Variants in NDUFA10 observed in about 807,000 individuals in gnomAD.
NDUFA10 encodes NADH:ubiquinone oxidoreductase subunit A10.
NDUFA10 carries 40 observed loss-of-function variants against 47.8 expected under a neutral mutation model. The ratio of observed to expected loss-of-function variants is 0.84; its 90% CI spans 0.65 to 1.09. NDUFA10 has a LOEUF of 1.09. NDUFA10 is among the 50% of genes least tolerant of loss of function. NDUFA10 has a pLI of 0.00. For missense variants in NDUFA10, 413 were observed against 451.1 expected (o/e 0.92, Z 0.76); for synonymous variants, 183 against 172.2 (o/e 1.06, Z -0.49).
chr2:240,004,881 C>T (rs969261398), intron 8 of NDUFA10, among the ~76,000 whole-genome samples: 18 of 152,194 alleles, frequency 1.2e-4, no homozygotes, highest in Non-Finnish European at 1.8e-4. Context: ...TGTGACCTGA[C>T]GCAGTTTTAT....
chr2:239,943,998 C>T (rs1341229167), intron 4 of NDUFA10, among the ~76,000 whole-genome samples: 1 of 152,186 alleles, frequency 6.6e-6, no homozygotes, highest in Non-Finnish European at 1.5e-5. Context: ...CTCAGGTGCT[C>T]TGCTCCTTCC....
chr2:239,965,384 G>A (rs1437689026), intron 9 of NDUFA10, among the ~76,000 whole-genome samples: 2 of 152,080 alleles, frequency 1.3e-5, no homozygotes, highest in Non-Finnish European at 2.9e-5. Flanking sequence ...TCTACTTCAC[G>A]TCTGTATCTG....
At chr2:239,949,586 T>A (rs1044474958) in intron 4 of NDUFA10, among the ~76,000 whole-genome samples, 3 of 152,232 alleles carry the variant, frequency 2.0e-5, no homozygotes, top group African/African-American at 7.2e-5. Flanking sequence ...TGCAAACTCC[T>A]GGGCTCAAGC....
At chr2:239,953,420 T>C (rs913968522), downstream of NDUFA10, among the ~76,000 whole-genome samples, 4 of 152,196 alleles carry the variant, frequency 2.6e-5, no homozygotes, top group Non-Finnish European at 5.9e-5. Flanking sequence ...AGCCGCAAAG[T>C]GCAAGGCAGC....
At chr2:239,920,145 C>A (rs980520909) in intron 4 of NDUFA10, among the ~76,000 whole-genome samples, 43 of 152,162 alleles carry the variant, frequency 2.8e-4, no homozygotes, top group Non-Finnish European at 4.7e-4. Flanking sequence ...AGGGTGGGGC[C>A]CCATGATGGG....
chr2:239,905,613 T>C (rs927079115), intron 4 of NDUFA10, among the ~76,000 whole-genome samples: 36 of 150,732 alleles, frequency 2.4e-4, no homozygotes, highest in Middle Eastern at 3.4e-3. Flanking sequence ...CTGAGGTCAG[T>C]CGGATTTCCT....
rs199606874 is a variant in NDUFA10, at chr2:239,915,469, TAC to T, written c.295-20157_295-20156del. ...ACAGAGAGACAGAGATACACATACATACACACACACAGAACACACACACAGAC... is the reference window on the plus strand; with the variant it reads ...ACAGAGAGACAGAGATACACATACATACACACACAGAACACACACACAGAC... On this transcript the variant is annotated intron_variant, in intron 4 of 5. Coordinates refer to the NDUFA10 transcript ENST00000419408. 4.1e-4 allele frequency among the ~76,000 whole-genome samples: 40 copies of T among 97,808 alleles called. 1 individual carries two copies. The highest frequency in any genetic ancestry group is 7.6e-3 in the Middle Eastern group (1 of 132). The allele number at this position is 97,808 out of a possible 152,430, so 64.2% of individuals were successfully genotyped here.
intron 4 of NDUFA10, among the ~76,000 whole-genome samples, chr2:239,932,069 C>G (rs1156406153): frequency 6.6e-6 from 1 of 151,962 alleles, no homozygotes; most frequent in Non-Finnish European, 1.5e-5. Context: ...CTCCTGACCT[C>G]GTGATCCACC....
chr2:239,902,000 A>G (rs1693560707), intron 4 of NDUFA10, among the ~76,000 whole-genome samples: 1 of 152,182 alleles, frequency 6.6e-6, no homozygotes, highest in South Asian at 2.1e-4. Flanking sequence ...GAGCGGAGAA[A>G]GTGGTTTCAT....
intron 9 of NDUFA10, among the ~76,000 whole-genome samples, chr2:239,978,321 C>T (rs532823892): frequency 6.6e-6 from 1 of 152,310 alleles, no homozygotes; most frequent in East Asian, 1.9e-4. Flanking sequence ...CAAGGTTCAC[C>T]TATGACCTGG....
At chr2:240,008,841 C>A (rs981083834) in intron 6 of NDUFA10, among the ~76,000 whole-genome samples, 5 of 152,214 alleles carry the variant, frequency 3.3e-5, no homozygotes, top group African/African-American at 1.2e-4. Flanking sequence ...CCTGGAGAGT[C>A]CATTTTCTAT....
downstream of NDUFA10, among the ~76,000 whole-genome samples, chr2:239,957,085 C>T (rs1009470976): frequency 6.6e-6 from 1 of 152,202 alleles, no homozygotes; most frequent in Admixed American, 6.5e-5. Flanking sequence ...ACCCTCCTTG[C>T]GGCTCAGACA....
At chr2:239,905,004 A>G (rs1693621532) in intron 4 of NDUFA10, among the ~76,000 whole-genome samples, 2 of 152,214 alleles carry the variant, frequency 1.3e-5, no homozygotes, top group Non-Finnish European at 1.5e-5. Flanking sequence ...GCCCTAATCC[A>G]GGAGGGTCTC....
chr2:239,900,311 C>G (rs1031109888), intron 4 of NDUFA10, among the ~76,000 whole-genome samples: 2 of 137,226 alleles, frequency 1.5e-5, no homozygotes, highest in Admixed American at 1.5e-4. Flanking sequence ...AATGAACTCC[C>G]CTTCATATAT....
intron 4 of NDUFA10, among the ~76,000 whole-genome samples, chr2:239,939,273 T>TTCCAAAGAGGGTG (rs764400816): frequency 3.9e-4 from 60 of 152,214 alleles, no homozygotes; most frequent in Non-Finnish European, 7.3e-4. Flanking sequence ...TCTGGACACT[T>TTCCAAAGAGGGTG]TCCAAAGAGG....
chr2:239,900,960 G>A (rs1203036731), intron 4 of NDUFA10, among the ~76,000 whole-genome samples: 1 of 152,238 alleles, frequency 6.6e-6, no homozygotes, highest in Non-Finnish European at 1.5e-5. Context: ...ATCTAGCTGA[G>A]ATCATGGATG....
intron 4 of NDUFA10, among the ~76,000 whole-genome samples, chr2:239,900,047 A>T (rs1693515459): frequency 1.3e-5 from 2 of 152,020 alleles, no homozygotes; most frequent in South Asian, 4.1e-4. Flanking sequence ...AGACTTGCTG[A>T]GTCTTCCAGC....
At chr2:239,949,057 C>A (rs80208238) in intron 4 of NDUFA10, among the ~76,000 whole-genome samples, 5,253 of 152,282 alleles carry the variant, frequency 0.034, 139 homozygotes, top group African/African-American at 0.066. Context: ...TTGCTTTAAC[C>A]CCACGAATGC....
chr2:240,008,802 C>A (rs1697038200), intron 6 of NDUFA10, among the ~76,000 whole-genome samples: 1 of 152,190 alleles, frequency 6.6e-6, no homozygotes, highest in Non-Finnish European at 1.5e-5. Context: ...TTAATGAGCT[C>A]CAGACCCCAA....
Sources: gnomAD v4.1 joint callset for allele counts (sites outside exome capture counted in the v4.1 genomes callset) on GRCh38, gnomAD v4.1.1 for gene constraint, MANE v1.5 for transcripts, NCBI Gene and HGNC (gene_info 2026-07-23, HGNC 2026-07-21) for gene names.